CDH23: variants seen among roughly 807,000 people sequenced by gnomAD.
The protein encoded by CDH23 is cadherin related 23.
A neutral mutation model predicts 317.1 loss-of-function variants in CDH23; 189 were observed. The observed-to-expected ratio is 0.60, with a 90% CI of 0.53 to 0.67. CDH23 has a LOEUF of 0.67. Ranked by LOEUF, CDH23 falls within the 30% of genes least tolerant of loss-of-function variation. CDH23 has a pLI of 0.00. For missense variants in CDH23, 4,401 were observed against 4,592.4 expected, an observed-to-expected ratio of 0.96 and a Z score of 1.20; for synonymous variants, 1,839 against 1,876.8, an observed-to-expected ratio of 0.98 and a Z score of 0.52.
At chr10:71,541,440 G>GGGCCCT (rs1855984179) in intron 6 of CDH23, among the ~76,000 whole-genome samples, 1 of 152,238 alleles carries the variant, frequency 6.6e-6, no homozygotes, top group Admixed American at 6.5e-5. Flanking sequence ...GGCAAGTCTG[G>GGGCCCT]GGCCCTGGCC....
intron 9 of CDH23, among the ~76,000 whole-genome samples, chr10:71,599,364 G>A (rs906487266): frequency 6.6e-6 from 1 of 152,136 alleles, no homozygotes; most frequent in Non-Finnish European, 1.5e-5. Context: ...TGGCATCCCT[G>A]ACTTGAATGT....
chr10:71,549,079 G>C (rs1856442386), intron 6 of CDH23, among the ~76,000 whole-genome samples: 1 of 152,238 alleles, frequency 6.6e-6, no homozygotes, highest in Non-Finnish European at 1.5e-5. Context: ...AGAGCCCCCA[G>C]ACACCCAAAT....
In CDH23 at chr10:71,751,604, C is replaced by T. The variant is rs1840004036; in HGVS notation, c.4845+9683C>T. 1 of 1,483,002 alleles carries T rather than the reference C, an allele frequency of 6.7e-7. No individual in the cohort carries two copies. Among genetic ancestry groups the T allele is most frequent in the Middle Eastern group, 2.5e-4 (1 of 4,024 alleles). The allele number at this position is 1,483,002 out of a possible 1,614,324, so 91.9% of individuals were successfully genotyped here. A position where few individuals can be genotyped will look rare whatever the true frequency, so the allele number is the denominator to read the frequency against. On this transcript the variant is annotated intron_variant, in intron 38 of 69. Coordinates refer to ENST00000224721, the MANE Select transcript of CDH23 (RefSeq NM_022124.6). The surrounding 1 kb of genome is among the most constrained non-coding windows in gnomAD (Gnocchi z 4.9). ...GGGAGGGCAGGGAGTGAGGCCGATGCCCTGCAGGCCATGAGGTCATGACCT... is the reference window on the plus strand; with the variant it reads ...GGGAGGGCAGGGAGTGAGGCCGATGTCCTGCAGGCCATGAGGTCATGACCT...
In CDH23 at chr10:71,751,070, GCAT is replaced by G. The variant is rs1839985651; in HGVS notation, c.4845+9151_4845+9153del. 1.4e-6 allele frequency: 1 copy of G among 691,754 alleles called. No individual in the cohort carries two copies. The highest frequency in any genetic ancestry group is 2.1e-5 in the South Asian group (1 of 47,070). The allele number at this position is 691,754 out of a possible 1,614,324, so 42.9% of individuals were successfully genotyped here. Reference sequence around the variant, plus strand: ...CTTGGAACAGGGGCTGAGCCGTCCAGCATCCCCATGTAGCATCCAGAGGGGTTG... The same window carrying G: ...CTTGGAACAGGGGCTGAGCCGTCCAGCCCCATGTAGCATCCAGAGGGGTTG... On this transcript the variant is annotated intron_variant, in intron 38 of 69. Coordinates refer to ENST00000224721, the MANE Select transcript of CDH23 (RefSeq NM_022124.6). This position sits in a 1 kb window ranked among gnomAD's most constrained non-coding sequence, Gnocchi z 4.9.
At chr10:71,694,720 C>A (rs755755959) in intron 21 of CDH23, among the ~76,000 whole-genome samples, 11 of 152,236 alleles carry the variant, frequency 7.2e-5, no homozygotes, top group Non-Finnish European at 1.3e-4. Flanking sequence ...AACGTGGGGG[C>A]CTCGAATGAG....
intron 34 of CDH23, chr10:71,737,745 G>C (rs1477406403): frequency 6.4e-6 from 3 of 470,054 alleles, no homozygotes; most frequent in African/African-American, 6.1e-5. Context: ...TCCAGCCGCA[G>C]TGGCCTGTGG....
At position 71,577,153 on chromosome 10, in the gene CDH23, G is replaced by C. The variant is rs1361863726; in HGVS notation, c.754-761G>C. 4.6e-5 allele frequency among the ~76,000 whole-genome samples: 7 copies of C among 152,220 alleles called. No individual in the cohort carries two copies. The East Asian group carries it at 9.6e-4, about 21-fold the overall frequency. On this transcript the variant is annotated intron_variant, in intron 8 of 69. Transcript: ENST00000224721. ...ATATGTGTATTCGCACTCCTAATAT[G>C]CGTATAGCAGCTGTCTGCTCAGATG... is the stretch of plus-strand genomic sequence containing the variant.
chr10:71,617,472 C>T, intron 11 of CDH23, 79 bp downstream of exon 11: 1 of 1,550,226 alleles, frequency 6.5e-7, no homozygotes, highest in Non-Finnish European at 8.7e-7. Context: ...TTCAGGTCCT[C>T]AGCTATAAAA....
intron 1 of CDH23, among the ~76,000 whole-genome samples, chr10:71,403,708 G>T (rs1207912176): frequency 6.6e-6 from 1 of 151,238 alleles, no homozygotes; most frequent in Non-Finnish European, 1.5e-5. Flanking sequence ...GTAGAAACGG[G>T]GTTTCACCAT....
chr10:71,728,052 T>TA, intron 30 of CDH23, among the ~76,000 whole-genome samples: 1 of 152,304 alleles, frequency 6.6e-6, no homozygotes, highest in Non-Finnish European at 1.5e-5. Flanking sequence ...AGCCTGGCCC[T>TA]GTTTTTTCCC....
chr10:71,590,890 AAAAAAAC>A (rs1189040940), intron 9 of CDH23, among the ~76,000 whole-genome samples: 30 of 143,296 alleles, frequency 2.1e-4, no homozygotes, highest in African/African-American at 5.8e-4. Context: ...AAAAAAACAA[AAAAAAAC>A]AAAAAAAAAC....
chr10:71,523,756 A>G (rs1854845525), intron 6 of CDH23, among the ~76,000 whole-genome samples: 1 of 152,160 alleles, frequency 6.6e-6, no homozygotes, highest in Non-Finnish European at 1.5e-5. Flanking sequence ...AAATGTATTG[A>G]GTCCCTGGGA....
chr10:71,442,449 A>G (rs547935855), intron 2 of CDH23, among the ~76,000 whole-genome samples: 5 of 152,110 alleles, frequency 3.3e-5, no homozygotes, highest in Admixed American at 3.3e-4. Context: ...ATCAGACCAC[A>G]CTGCCCTCGC....
intron 61 of CDH23, 47 bp downstream of exon 61, chr10:71,810,123 A>C: frequency 6.2e-7 from 1 of 1,600,050 alleles, no homozygotes. Context: ...GGGAGAAGGA[A>C]GGGGAGGCCA....
chr10:71,756,986 A>G (rs1191761873), intron 38 of CDH23, among the ~76,000 whole-genome samples: 1 of 152,250 alleles, frequency 6.6e-6, no homozygotes. Context: ...TTGCTATGCT[A>G]ATTACAAAGC....
intron 11 of CDH23, among the ~76,000 whole-genome samples, chr10:71,618,331 C>A (rs1861297329): frequency 6.6e-6 from 1 of 151,990 alleles, no homozygotes; most frequent in Non-Finnish European, 1.5e-5. Flanking sequence ...CTGCACTGGT[C>A]CTGACACACC....
At chr10:71,482,704 G>A (rs945645946) in intron 3 of CDH23, among the ~76,000 whole-genome samples, 3 of 152,206 alleles carry the variant, frequency 2.0e-5, no homozygotes, top group Admixed American at 6.5e-5. Context: ...AGACCTGGGG[G>A]CACTTAGCAG....
intron 35 of CDH23, 25 bp from the exon 36 acceptor site, chr10:71,739,619 C>G (rs1839679686): frequency 3.1e-6 from 5 of 1,610,232 alleles, no homozygotes; most frequent in African/African-American, 1.3e-5. Flanking sequence ...ACCTGCTCAC[C>G]CCTCACCCTC....
intron 3 of CDH23, among the ~76,000 whole-genome samples, chr10:71,484,222 G>T (rs1215047088): frequency 3.3e-5 from 5 of 152,228 alleles, no homozygotes. Context: ...AGCATCATTT[G>T]CTCTTAAATA....
Sources: gnomAD v4.1 joint callset for allele counts (sites outside exome capture counted in the v4.1 genomes callset) on GRCh38, gnomAD v4.1.1 for gene constraint, Gnocchi (gnomAD v3.1) non-coding constraint, MANE v1.5 for transcripts, NCBI Gene and HGNC (gene_info 2026-07-23, HGNC 2026-07-21) for gene names.